DGKB: variants seen among roughly 807,000 people sequenced by gnomAD.
DGKB encodes the protein diacylglycerol kinase beta, also known as 90 kDa diacylglycerol kinase.
DGKB carries 67 observed loss-of-function variants against 114.3 expected under a neutral mutation model. The ratio of observed to expected loss-of-function variants is 0.59; its 90% CI spans 0.48 to 0.72. The LOEUF (loss-of-function observed/expected upper bound fraction) is 0.72, where lower values mean the gene tolerates loss of function less well. DGKB is among the 30% of genes least tolerant of loss of function. The probability of loss-of-function intolerance (pLI) is 0.00; values close to 1 mark genes in which losing one functional copy is unlikely to be tolerated. For missense variants in DGKB, 907 were observed against 975.2 expected (o/e 0.93, Z 0.93); for synonymous variants, 398 against 323.1 (o/e 1.23, Z -2.49).
chr7:14,892,456 T>C (rs777189425), intron 1 of DGKB, among the ~76,000 whole-genome samples: 5 of 151,284 alleles, frequency 3.3e-5, no homozygotes, highest in Non-Finnish European at 5.9e-5. Context: ...GAGGGGTAGA[T>C]GGTGGTAATG....
At chr7:14,623,426 T>C (rs1201734376) in intron 14 of DGKB, among the ~76,000 whole-genome samples, 1 of 152,180 alleles carries the variant, frequency 6.6e-6, no homozygotes, top group Non-Finnish European at 1.5e-5. Context: ...AGAGTGATCA[T>C]TGCCCAAGTA....
chr7:14,156,385 T>C (rs1783022373), intron 25 of DGKB, among the ~76,000 whole-genome samples: 1 of 152,186 alleles, frequency 6.6e-6, no homozygotes. Context: ...AATAAATGAT[T>C]TCGGCTTTGT....
intron 12 of DGKB, among the ~76,000 whole-genome samples, chr7:14,673,396 T>C (rs912862603): frequency 2.5e-5 from 3 of 121,216 alleles, no homozygotes; most frequent in Non-Finnish European, 5.1e-5. Context: ...TGTGCCTGTG[T>C]ATGCTTTTTT....
At chr7:14,799,826 G>T (rs551774739) in intron 2 of DGKB, among the ~76,000 whole-genome samples, 4 of 152,198 alleles carry the variant, frequency 2.6e-5, no homozygotes, top group Non-Finnish European at 4.4e-5. Flanking sequence ...GATTGGGATG[G>T]TGTGAGGAGC....
intron 25 of DGKB, among the ~76,000 whole-genome samples, chr7:14,155,685 C>T (rs1009053569): frequency 9.9e-5 from 15 of 152,074 alleles, no homozygotes; most frequent in Middle Eastern, 3.4e-3. Context: ...GTACAGGATA[C>T]GATGGGTGAG....
Position 14,949,417 on chromosome 7 carries a change from A to G in DGKB, c.-188+25279T>C, listed in dbSNP as rs190118376. On this transcript the variant is annotated intron_variant, in intron 1 of 4. Coordinates refer to the DGKB transcript ENST00000437998. The stretch of plus-strand genomic sequence containing the variant: ...AGATGCTTTAACAGAAAAATTACAC[A>G]CATCATATAGAAAATTGTAAACATA... 5.4e-3 allele frequency among the ~76,000 whole-genome samples: 822 copies of G among 152,102 alleles called. 9 individuals are homozygous for G. Among genetic ancestry groups the G allele is most frequent in the African/African-American group, 0.019 (786 of 41,538 alleles).
intron 21 of DGKB, among the ~76,000 whole-genome samples, chr7:14,436,225 T>C (rs1829244503): frequency 6.6e-6 from 1 of 152,172 alleles, no homozygotes. Context: ...TTAAGTGTTA[T>C]ACTACAGTAA....
intron 21 of DGKB, among the ~76,000 whole-genome samples, chr7:14,396,052 C>G (rs972462991): frequency 6.6e-6 from 1 of 151,924 alleles, no homozygotes; most frequent in South Asian, 2.1e-4. Flanking sequence ...AATTATATGA[C>G]TATATCACTG....
chr7:14,314,492 G>C (rs1171069672), intron 23 of DGKB, among the ~76,000 whole-genome samples: 7 of 151,932 alleles, frequency 4.6e-5, no homozygotes, highest in South Asian at 2.1e-4. Flanking sequence ...AATGCAGAAG[G>C]CTCAGGAGCC....
chr7:14,329,523 ATAAG>A (rs995585458), intron 23 of DGKB, among the ~76,000 whole-genome samples: 2 of 151,962 alleles, frequency 1.3e-5, no homozygotes, highest in Non-Finnish European at 2.9e-5. Flanking sequence ...ATATCAATAA[ATAAG>A]TAACTGTGAC....
chr7:14,663,444 A>T (rs1248499769), intron 13 of DGKB, among the ~76,000 whole-genome samples: 3 of 151,990 alleles, frequency 2.0e-5, no homozygotes, highest in Non-Finnish European at 2.9e-5. Context: ...TTCACATACA[A>T]GTCATTTGCC....
chr7:14,929,061 A>C (rs955798779), intron 1 of DGKB, among the ~76,000 whole-genome samples: 2 of 151,244 alleles, frequency 1.3e-5, no homozygotes, highest in African/African-American at 4.9e-5. Flanking sequence ...ACACACATAC[A>C]TATCACATTT....
chr7:14,616,517 T>C (rs1326247015), intron 15 of DGKB, among the ~76,000 whole-genome samples: 1 of 151,820 alleles, frequency 6.6e-6, no homozygotes, highest in Non-Finnish European at 1.5e-5. Context: ...AAATATTGTG[T>C]CCTTTTTGTT....
chr7:14,338,994 T>G (rs1037382448), intron 22 of DGKB, among the ~76,000 whole-genome samples: 1 of 152,068 alleles, frequency 6.6e-6, no homozygotes, highest in Non-Finnish European at 1.5e-5. Flanking sequence ...CTCGTTAGCA[T>G]CTGCATATAT....
chr7:14,652,423 G>T (rs1408345879), intron 13 of DGKB, among the ~76,000 whole-genome samples: 2 of 151,636 alleles, frequency 1.3e-5, no homozygotes, highest in African/African-American at 4.8e-5. Context: ...TTAATAAATG[G>T]TGCTGGGAAA....
At chr7:14,227,558 T>C (rs1219016536) in intron 23 of DGKB, among the ~76,000 whole-genome samples, 3 of 152,000 alleles carry the variant, frequency 2.0e-5, no homozygotes, top group African/African-American at 7.2e-5. Context: ...CTAAAACTTA[T>C]ATGGCTTTAT....
chr7:14,925,874 C>A (rs561355376), intron 1 of DGKB, among the ~76,000 whole-genome samples: 9 of 148,296 alleles, frequency 6.1e-5, no homozygotes, highest in South Asian at 2.1e-4. Context: ...GTCCCCCCCC[C>A]ACTTCCAGTA....
chr7:14,886,617 A>G (rs1013884203), intron 1 of DGKB, among the ~76,000 whole-genome samples: 3 of 151,780 alleles, frequency 2.0e-5, no homozygotes, highest in Admixed American at 2.0e-4. Flanking sequence ...CATAAATATC[A>G]CTACAATTTC....
intron 20 of DGKB, among the ~76,000 whole-genome samples, chr7:14,514,408 C>G (rs928437644): frequency 2.6e-5 from 4 of 152,098 alleles, no homozygotes; most frequent in Non-Finnish European, 5.9e-5. Flanking sequence ...AAGCTACTTA[C>G]AAGTAGAACT....
Sources: allele counts gnomAD v4.1 joint callset (sites outside exome capture counted in the v4.1 genomes callset), GRCh38; gene constraint gnomAD v4.1.1; transcripts MANE v1.5; gene names NCBI Gene and HGNC (gene_info 2026-07-23, HGNC 2026-07-21).